Variants in PTPRD observed in about 807,000 individuals in gnomAD.
PTPRD encodes the protein receptor-type tyrosine-protein phosphatase delta.
Under a neutral mutation model 214.5 loss-of-function variants are expected in PTPRD, and 34 were observed. The observed-to-expected ratio is 0.16, with a 90% CI of 0.12 to 0.21. PTPRD has a LOEUF of 0.21. Among genes scored for constraint, PTPRD ranks in the 10% least tolerant of loss-of-function variants. The pLI, the probability that PTPRD is intolerant of heterozygous loss-of-function variation, is 1.00. For missense variants in PTPRD, 2,545 were observed against 2,398.7 expected, an observed-to-expected ratio of 1.06 and a Z score of -1.27; for synonymous variants, 1,128 against 845.7, an observed-to-expected ratio of 1.33 and a Z score of -5.79.
chr9:8,369,327 G>T (rs531500366), intron 39 of PTPRD, among the ~76,000 whole-genome samples: 2 of 152,106 alleles, frequency 1.3e-5, no homozygotes, highest in South Asian at 4.2e-4. Flanking sequence ...TCACTATTGG[G>T]TTGGGCTTAG....
intron 7 of PTPRD, among the ~76,000 whole-genome samples, chr9:9,714,714 TGTGA>T (rs2097789023): frequency 6.6e-6 from 1 of 152,138 alleles, no homozygotes; most frequent in Admixed American, 6.6e-5. Context: ...TACTGATAGC[TGTGA>T]GTTCTCTGCT....
At chr9:8,993,805 C>A (rs1213640754) in intron 11 of PTPRD, among the ~76,000 whole-genome samples, 2 of 152,070 alleles carry the variant, frequency 1.3e-5, no homozygotes. Context: ...GTTTATTAAG[C>A]ACCTGTTATT....
chr9:8,596,443 T>G (rs1464359176), intron 14 of PTPRD, among the ~76,000 whole-genome samples: 1 of 152,026 alleles, frequency 6.6e-6, no homozygotes, highest in South Asian at 2.1e-4. Flanking sequence ...GTAAATTACA[T>G]TGAGTTCATG....
Position 9,187,677 on chromosome 9 carries a change from G to C in PTPRD, c.-202-4314C>G, listed in dbSNP as rs559155762. Among the ~76,000 whole-genome samples, 4 of 151,870 alleles carry C rather than the reference G, an allele frequency of 2.6e-5. No homozygotes were observed. In the South Asian group the frequency reaches 6.2e-4, roughly 24 times the overall value. On this transcript the variant is annotated intron_variant, in intron 9 of 45. Transcript: ENST00000381196. ...TTGTGAAATAGACTGATTTGGAGCT[G>C]TGTTAATAACAACAACAACAAATAC...
chr9:9,952,356 C>T (rs1274993919), intron 4 of PTPRD, among the ~76,000 whole-genome samples: 1 of 152,228 alleles, frequency 6.6e-6, no homozygotes, highest in East Asian at 1.9e-4. Flanking sequence ...GTGTAATGCT[C>T]AGCAACACGT....
chr9:10,576,291 T>C (rs1347936505), intron 2 of PTPRD, among the ~76,000 whole-genome samples: 2 of 152,154 alleles, frequency 1.3e-5, no homozygotes, highest in African/African-American at 2.4e-5. Context: ...GATTTACCAA[T>C]GATAACTGTC....
chr9:8,335,231 C>T (rs13290756), intron 43 of PTPRD, among the ~76,000 whole-genome samples: 75,895 of 146,674 alleles, frequency 0.52, 20,876 homozygotes, highest in Non-Finnish European at 0.6. Context: ...TGATGAACAT[C>T]GATGCCAAAA....
intron 12 of PTPRD, among the ~76,000 whole-genome samples, chr9:8,637,384 C>A (rs1316443004): frequency 6.6e-6 from 1 of 152,194 alleles, no homozygotes; most frequent in Non-Finnish European, 1.5e-5. Context: ...GGTAAAGTGA[C>A]TCTCTAACCC....
chr9:9,035,684 G>A (rs2099619479), intron 10 of PTPRD, among the ~76,000 whole-genome samples: 1 of 152,076 alleles, frequency 6.6e-6, no homozygotes, highest in Non-Finnish European at 1.5e-5. Flanking sequence ...CTTACTTGAG[G>A]ACTAGTTATT....
chr9:8,680,517 C>T (rs1025069616), intron 12 of PTPRD, among the ~76,000 whole-genome samples: 2 of 152,122 alleles, frequency 1.3e-5, no homozygotes, highest in Non-Finnish European at 2.9e-5. Flanking sequence ...CATTTCAGAA[C>T]CTAGTAAATT....
rs2130593831 is a variant in PTPRD at position 8,404,612 on chromosome 9, C to T, written c.4135G>A (p.Val1379Ile). ...GCGTATCTATTCTTTGGTTTGTTTA[C>T]TTCCAAGTTTGAATGTTCCCAAGTG... ...QFTWEHSNLE[V>I]NKPKNRYANV... is the part of the protein sequence containing the mutation. The change falls in exon 36 of 46, where the codon GTA (valine) becomes ATA (isoleucine). Residue 1379 changes from valine (V) to isoleucine (I), a missense_variant. By Grantham distance (29) the Val-to-Ile change is conservative. Transcript: ENST00000381196. The T allele has an allele frequency of 4.3e-6, 7 of 1,613,386 alleles. No individual in the cohort carries two copies. The highest frequency in any genetic ancestry group is 5.9e-6 in the Non-Finnish European group (7 of 1,179,472).
chr9:9,218,898 C>G (rs1593839654), intron 9 of PTPRD, among the ~76,000 whole-genome samples: 2 of 152,160 alleles, frequency 1.3e-5, no homozygotes, highest in African/African-American at 4.8e-5. Context: ...TCTTGGTATT[C>G]CTTAAATATA....
intron 9 of PTPRD, among the ~76,000 whole-genome samples, chr9:9,322,656 T>C (rs1180621338): frequency 6.6e-6 from 1 of 152,182 alleles, no homozygotes; most frequent in African/African-American, 2.4e-5. Flanking sequence ...TTTTATTAAA[T>C]GAGTAAATCA....
intron 10 of PTPRD, among the ~76,000 whole-genome samples, chr9:9,156,979 A>G (rs2099881755): frequency 6.6e-6 from 1 of 152,208 alleles, no homozygotes; most frequent in African/African-American, 2.4e-5. Flanking sequence ...TCTGCTACCA[A>G]GTGGTTATCC....
intron 4 of PTPRD, among the ~76,000 whole-genome samples, chr9:10,015,691 C>T (rs574856265): frequency 1.3e-5 from 2 of 152,060 alleles, no homozygotes; most frequent in South Asian, 2.1e-4. Context: ...AGAAAAAGAA[C>T]GAGAAGGAAG....
At chr9:9,635,856 A>G (rs2095749416) in intron 7 of PTPRD, among the ~76,000 whole-genome samples, 1 of 152,042 alleles carries the variant, frequency 6.6e-6, no homozygotes, top group African/African-American at 2.4e-5. Context: ...TTCACTACCA[A>G]CACCTAAGTC....
At chr9:9,807,713 AT>A (rs1276949732) in intron 5 of PTPRD, among the ~76,000 whole-genome samples, 2 of 152,196 alleles carry the variant, frequency 1.3e-5, no homozygotes, top group Non-Finnish European at 2.9e-5. Flanking sequence ...TGGTATTTTC[AT>A]TTACAAAAAT....
chr9:9,484,413 G>A (rs886573158), intron 8 of PTPRD, among the ~76,000 whole-genome samples: 1 of 152,084 alleles, frequency 6.6e-6, no homozygotes, highest in Non-Finnish European at 1.5e-5. Context: ...TTTAGGAAAA[G>A]AAGACAACAT....
intron 11 of PTPRD, among the ~76,000 whole-genome samples, chr9:8,997,552 G>C (rs142019667): frequency 6.6e-6 from 1 of 151,860 alleles, no homozygotes; most frequent in Non-Finnish European, 1.5e-5. Context: ...TCCACCAACC[G>C]GCCATTCTCC....
Sources: allele counts gnomAD v4.1 joint callset (sites outside exome capture counted in the v4.1 genomes callset), GRCh38; gene constraint gnomAD v4.1.1; transcripts MANE v1.5; gene names NCBI Gene and HGNC (gene_info 2026-07-23, HGNC 2026-07-21).